Variants in PRICKLE2 observed in about 807,000 individuals in gnomAD.
PRICKLE2 encodes prickle-like protein 2.
A neutral mutation model predicts 81.4 loss-of-function variants in PRICKLE2; 21 were observed. That is an observed-to-expected ratio of 0.26 (90% CI 0.18 to 0.37). PRICKLE2 has a LOEUF of 0.37. Among genes scored for constraint, PRICKLE2 ranks in the 10% least tolerant of loss-of-function variants. The probability of loss-of-function intolerance (pLI) is 1.00; values close to 1 mark genes in which losing one functional copy is unlikely to be tolerated. For missense variants in PRICKLE2, 940 were observed against 1,109.0 expected (o/e 0.85, Z 2.16); for synonymous variants, 456 against 421.5 (o/e 1.08, Z -1.00).
At chr3:64,140,011 C>T (rs925928607) in intron 7 of PRICKLE2, among the ~76,000 whole-genome samples, 4 of 152,220 alleles carry the variant, frequency 2.6e-5, no homozygotes, top group African/African-American at 9.6e-5. Context: ...GGCCCATGTC[C>T]AATTCAGCTC....
At position 64,242,553 on chromosome 3, in the gene PRICKLE2, G is replaced by A. The variant is rs143801284; in HGVS notation, c.129-43586C>T. Reference sequence around the variant, plus strand: ...TACACAAGTTAATTTTCCATTTACAGTATAGAGCAACAATGTATTCTACAA... The same window carrying A: ...TACACAAGTTAATTTTCCATTTACAATATAGAGCAACAATGTATTCTACAA... On this transcript the variant is annotated intron_variant, in intron 2 of 8. Transcript: ENST00000295902. 7.7e-3 allele frequency among the ~76,000 whole-genome samples: 1,178 copies of A among 152,354 alleles called. 16 individuals carry two copies. The highest frequency in any genetic ancestry group is 7.3e-3 in the Non-Finnish European group (498 of 68,034).
chr3:64,220,543 C>T (rs940665039), intron 1 of PRICKLE2, among the ~76,000 whole-genome samples: 1 of 152,180 alleles, frequency 6.6e-6, no homozygotes, highest in Non-Finnish European at 1.5e-5. Flanking sequence ...CACTCAAACA[C>T]TTACATACAG....
At chr3:64,157,102 G>T in intron 5 of PRICKLE2, 60 bp downstream of exon 5, 1 of 1,469,498 alleles carries the variant, frequency 6.8e-7, no homozygotes, top group Non-Finnish European at 9.5e-7. Context: ...AAGACCATGT[G>T]TTGGCTATGG....
intron 2 of PRICKLE2, among the ~76,000 whole-genome samples, chr3:64,260,983 T>A (rs1286135883): frequency 6.6e-6 from 1 of 152,038 alleles, no homozygotes; most frequent in Non-Finnish European, 1.5e-5. Flanking sequence ...GGCAGGAGAG[T>A]TCAGAAGCTT....
chr3:64,233,433 A>C (rs1243390223), intron 2 of PRICKLE2, among the ~76,000 whole-genome samples: 1 of 152,198 alleles, frequency 6.6e-6, no homozygotes, highest in South Asian at 2.1e-4. Flanking sequence ...ATCTCCTGCT[A>C]CTGTCTCCCT....
chr3:64,127,806 T>C (rs1253442526), intron 7 of PRICKLE2, among the ~76,000 whole-genome samples: 1 of 151,784 alleles, frequency 6.6e-6, no homozygotes, highest in Non-Finnish European at 1.5e-5. Context: ...AAAGGCAAAC[T>C]TGGAATCCTG....
rs984865863 is a variant in PRICKLE2, at chr3:64,095,861, T to C, written c.*3190A>G. The C allele has an allele frequency of 6.6e-6, 1 of 152,154 alleles. No homozygotes were observed. The highest frequency in any genetic ancestry group is 2.4e-5 in the African/African-American group (1 of 41,432). The allele number at this position is 152,154 out of a possible 1,614,324, so 9.4% of individuals were successfully genotyped here. On this transcript the variant is annotated 3_prime_UTR_variant, in exon 8 of 8. Transcript: ENST00000638394. ...TGGATGTATGAAAAACCAGGAAGCA[T>C]GGTTCTGATCTCCCTTACCTCATTC...
intron 7 of PRICKLE2, among the ~76,000 whole-genome samples, chr3:64,122,777 C>T (rs1290589703): frequency 2.0e-5 from 3 of 152,124 alleles, no homozygotes; most frequent in African/African-American, 7.2e-5. Flanking sequence ...GACTTAATTC[C>T]CTGCTCCTGT....
At chr3:64,255,275 A>G (rs2079509960) in intron 2 of PRICKLE2, among the ~76,000 whole-genome samples, 1 of 152,194 alleles carries the variant, frequency 6.6e-6, no homozygotes, top group Non-Finnish European at 1.5e-5. Flanking sequence ...CCATGTGACT[A>G]GAGAAAAAGT....
rs26937 is a variant in PRICKLE2, at chr3:64,098,356, T to C, written c.*695A>G. On this transcript the variant is annotated 3_prime_UTR_variant, in exon 8 of 8. Coordinates refer to ENST00000638394, the MANE Select transcript of PRICKLE2 (RefSeq NM_198859.4). The stretch of plus-strand genomic sequence containing the variant: ...CAGACTTAAGGATGGCTCCTTAAGA[T>C]GGAACGGAGCATAAAATGCTTTGGG... 1 of 152,070 alleles carries C rather than the reference T, an allele frequency of 6.6e-6. No individual in the cohort carries two copies. The highest frequency in any genetic ancestry group is 2.4e-5 in the African/African-American group (1 of 41,214). 9.4% of individuals were successfully genotyped at this position (152,070 alleles called of 1,614,324 possible).
chr3:64,150,149 G>T (rs1232455767), intron 6 of PRICKLE2, among the ~76,000 whole-genome samples: 1 of 151,910 alleles, frequency 6.6e-6, no homozygotes, highest in Non-Finnish European at 1.5e-5. Flanking sequence ...AGGGACATGG[G>T]ACTCTGTAGT....
chr3:64,193,054 G>A (rs1575646623), intron 2 of PRICKLE2, among the ~76,000 whole-genome samples: 1 of 152,146 alleles, frequency 6.6e-6, no homozygotes, highest in Non-Finnish European at 1.5e-5. Flanking sequence ...GAGTGGTGTA[G>A]CATCATGAAT....
rs1164444517 is a variant in PRICKLE2, at chr3:64,094,896, T to A, written c.*4155A>T. On this transcript the variant is annotated 3_prime_UTR_variant, in exon 8 of 8. Coordinates refer to ENST00000638394, the MANE Select transcript of PRICKLE2 (RefSeq NM_198859.4). The stretch of plus-strand genomic sequence containing the variant: ...GCAAATGCTGTCTGCAGAGCCCATT[T>A]TAAAGCCCTGAAGGTGCAAAACAGT... The A allele has an allele frequency of 6.6e-6, 1 of 152,642 alleles. No homozygotes were observed. The highest frequency in any genetic ancestry group is 1.5e-5 in the Non-Finnish European group (1 of 68,034). The allele number at this position is 152,642 out of a possible 1,614,324, so 9.5% of individuals were successfully genotyped here.
chr3:64,247,613 C>T (rs907183143), intron 2 of PRICKLE2, among the ~76,000 whole-genome samples: 1 of 152,116 alleles, frequency 6.6e-6, no homozygotes, highest in African/African-American at 2.4e-5. Context: ...CTTCCTTTTA[C>T]TTAATAAGAC....
chr3:64,187,214 T>G (rs531337844), intron 2 of PRICKLE2, among the ~76,000 whole-genome samples: 4 of 152,324 alleles, frequency 2.6e-5, no homozygotes, highest in African/African-American at 9.6e-5. Context: ...GACAGCTCCG[T>G]TGAAAACAAG....
At chr3:64,201,731 G>GT (rs1233896111) in intron 1 of PRICKLE2, among the ~76,000 whole-genome samples, 3 of 152,016 alleles carry the variant, frequency 2.0e-5, no homozygotes, top group African/African-American at 7.2e-5. Flanking sequence ...GAGCACAAAA[G>GT]TTTTTAATTT....
At chr3:64,166,262 T>C (rs2077831243) in intron 2 of PRICKLE2, among the ~76,000 whole-genome samples, 1 of 152,128 alleles carries the variant, frequency 6.6e-6, no homozygotes, top group Non-Finnish European at 1.5e-5. Flanking sequence ...CTCGCTTTTC[T>C]CAATTCCAAA....
intron 2 of PRICKLE2, among the ~76,000 whole-genome samples, chr3:64,248,659 A>G (rs574509949): frequency 6.6e-6 from 1 of 150,498 alleles, no homozygotes; most frequent in Non-Finnish European, 1.5e-5. Flanking sequence ...ACCAAAACCA[A>G]AAAAAACAAA....
chr3:64,197,059 T>C (rs1023481142), intron 2 of PRICKLE2, among the ~76,000 whole-genome samples: 1 of 152,230 alleles, frequency 6.6e-6, no homozygotes, highest in Admixed American at 6.5e-5. Flanking sequence ...AAATGAGCAA[T>C]GGCTAATCAA....
Sources: gnomAD v4.1 joint callset for allele counts (sites outside exome capture counted in the v4.1 genomes callset) on GRCh38, gnomAD v4.1.1 for gene constraint, MANE v1.5 for transcripts, NCBI Gene and HGNC (gene_info 2026-07-23, HGNC 2026-07-21) for gene names.